Variants in DDX60L observed in about 807,000 individuals in gnomAD.
The protein encoded by DDX60L is probable ATP-dependent RNA helicase DDX60-like.
In DDX60L, 191 loss-of-function variants were observed where a neutral mutation model predicts 211.6. The observed-to-expected ratio is 0.90, with a 90% confidence interval of 0.80 to 1.02. DDX60L has a LOEUF of 1.02. DDX60L is among the 50% of genes least tolerant of loss of function. The pLI is 0.00. For synonymous variants in DDX60L, 706 were observed against 694.1 expected, an observed-to-expected ratio of 1.02 and a Z score of -0.27; for missense variants, 2,007 against 1,984.1, an observed-to-expected ratio of 1.01 and a Z score of -0.22.
chr4:168,391,414 T>C (rs993347905), intron 29 of DDX60L, 126 bp downstream of exon 29: 1 of 645,786 alleles, frequency 1.5e-6, no homozygotes, highest in East Asian at 2.8e-5. Flanking sequence ...AACTCAAAAA[T>C]GCTATGCCAC....
chr4:168,388,894 C>A (rs138448754), intron 29 of DDX60L, among the ~76,000 whole-genome samples: 3 of 152,252 alleles, frequency 2.0e-5, no homozygotes, highest in Admixed American at 2.0e-4. Context: ...GAAAGGATAC[C>A]AAGAGACTGT....
intron 10 of DDX60L, among the ~76,000 whole-genome samples, chr4:168,435,408 T>C (rs532952249): frequency 2.6e-5 from 4 of 152,044 alleles, no homozygotes; most frequent in African/African-American, 7.2e-5. Context: ...AATACAGGAG[T>C]GCTGATTTTC....
chr4:168,373,426 A>T (rs1741376930), intron 35 of DDX60L, among the ~76,000 whole-genome samples: 1 of 152,100 alleles, frequency 6.6e-6, no homozygotes, highest in Non-Finnish European at 1.5e-5. Flanking sequence ...AACCTCATTT[A>T]AAAAAATGAG....
chr4:168,426,845 T>A (rs1751531934), intron 14 of DDX60L, among the ~76,000 whole-genome samples: 2 of 152,308 alleles, frequency 1.3e-5, no homozygotes, highest in Non-Finnish European at 2.9e-5. Flanking sequence ...CTCATTTCTT[T>A]TTGAATGTGC....
chr4:168,374,636 A>G (rs371733718), intron 34 of DDX60L, among the ~76,000 whole-genome samples: 18 of 152,350 alleles, frequency 1.2e-4, no homozygotes, highest in African/African-American at 4.1e-4. Flanking sequence ...AGCACTGGAA[A>G]GTTAACGTGA....
chr4:168,405,158 G>A (rs375042396), intron 24 of DDX60L, among the ~76,000 whole-genome samples: 5 of 151,896 alleles, frequency 3.3e-5, no homozygotes, highest in African/African-American at 9.7e-5. Context: ...ACAGGCATGC[G>A]CCACCACATC....
chr4:168,395,172 T>TA (rs1032318688), intron 27 of DDX60L, among the ~76,000 whole-genome samples: 4 of 152,076 alleles, frequency 2.6e-5, no homozygotes, highest in Admixed American at 2.0e-4. Context: ...GAAAAAACAA[T>TA]AAAAATAGCC....
chr4:168,407,578 T>C (rs1182394462), intron 22 of DDX60L, among the ~76,000 whole-genome samples: 3 of 152,178 alleles, frequency 2.0e-5, no homozygotes, highest in Non-Finnish European at 4.4e-5. Flanking sequence ...ATGTCAAGGT[T>C]TCTGTTATGT....
chr4:168,455,957 C>T, intron 7 of DDX60L, 82 bp downstream of exon 7: 1 of 947,582 alleles, frequency 1.1e-6, no homozygotes, highest in African/African-American at 1.7e-5. Flanking sequence ...CAGTGGAGAA[C>T]CTGATGCCAC....
chr4:168,361,403 G>C (rs535619497), intron 36 of DDX60L, 192 bp from the exon 37 acceptor site: 1 of 465,288 alleles, frequency 2.1e-6, no homozygotes, highest in Admixed American at 3.8e-5. Context: ...AATTATTAAA[G>C]AGATAATTTG....
At position 168,419,163 on chromosome 4, in the gene DDX60L, T is replaced by C. The variant is rs559820708; in HGVS notation, c.2610+139A>G. On this transcript the variant is annotated intron_variant, in intron 19 of 37. Transcript: ENST00000682922. ...TCTAAAAATTGTACTAACGTGAATA[T>C]GCAATCTGTTTTCCATTGGTACCCT... 4 of 519,642 alleles carry C rather than the reference T, an allele frequency of 7.7e-6. No individual in the cohort carries two copies. In the South Asian group the frequency reaches 9.6e-5, roughly 13 times the overall value. 32.2% of individuals were successfully genotyped at this position (519,642 alleles called of 1,614,324 possible). A position where few individuals can be genotyped will look rare whatever the true frequency, so the allele number is the denominator to read the frequency against.
intron 4 of DDX60L, among the ~76,000 whole-genome samples, chr4:168,462,406 C>A (rs1757430803): frequency 6.6e-6 from 1 of 152,022 alleles, no homozygotes; most frequent in African/African-American, 2.4e-5. Flanking sequence ...TGTCTCCTCC[C>A]TAAATAATGT....
At chr4:168,474,157 TAA>T (rs750068953) in intron 1 of DDX60L, among the ~76,000 whole-genome samples, 28 of 152,120 alleles carry the variant, frequency 1.8e-4, no homozygotes, top group Non-Finnish European at 3.8e-4. Flanking sequence ...ATTTGAAAAA[TAA>T]AAGAGTTATA....
intron 1 of DDX60L, among the ~76,000 whole-genome samples, chr4:168,479,457 T>G (rs1760090886): frequency 1.3e-5 from 2 of 152,218 alleles, no homozygotes. Flanking sequence ...TTTAAAGGAC[T>G]TGCTTCTGTT....
At chr4:168,430,831 G>A (rs557418372) in intron 12 of DDX60L, among the ~76,000 whole-genome samples, 193 bp from the exon 13 acceptor site, 6 of 152,162 alleles carry the variant, frequency 3.9e-5, no homozygotes, top group East Asian at 3.9e-4. Flanking sequence ...GCTAATGTCC[G>A]GGTCTAAGTA....
chr4:168,416,915 A>C, intron 19 of DDX60L, 118 bp from the exon 20 acceptor site: 1 of 517,216 alleles, frequency 1.9e-6, no homozygotes, highest in Non-Finnish European at 3.4e-6. Context: ...AACCTAAATA[A>C]AGTGAATGGT....
At chr4:168,472,085 G>T in intron 3 of DDX60L, 149 bp from the exon 4 acceptor site, 1 of 631,700 alleles carries the variant, frequency 1.6e-6, no homozygotes, top group Non-Finnish European at 2.7e-6. Context: ...TTAAGCAACT[G>T]TCCTTTATAA....
chr4:168,372,474 C>T (rs1013333479), intron 35 of DDX60L, among the ~76,000 whole-genome samples: 1 of 152,156 alleles, frequency 6.6e-6, no homozygotes, highest in African/African-American at 2.4e-5. Flanking sequence ...GCCTGTAATC[C>T]TAGCACTCTG....
intron 5 of DDX60L, 126 bp from the exon 6 acceptor site, chr4:168,458,134 T>C: frequency 1.9e-6 from 1 of 531,736 alleles, no homozygotes; most frequent in Non-Finnish European, 3.2e-6. Flanking sequence ...GAATGGCGAT[T>C]ACTAAAAAGT....
Sources: allele counts gnomAD v4.1 joint callset (sites outside exome capture counted in the v4.1 genomes callset), GRCh38; gene constraint gnomAD v4.1.1; transcripts MANE v1.5; gene names NCBI Gene and HGNC (gene_info 2026-07-23, HGNC 2026-07-21).